SCNN1B: variants seen among roughly 807,000 people sequenced by gnomAD.
SCNN1B encodes epithelial sodium channel subunit beta.
In SCNN1B, 46 loss-of-function variants were observed where a neutral mutation model predicts 65.3. The ratio of observed to expected loss-of-function variants is 0.70; its 90% confidence interval spans 0.56 to 0.90. The LOEUF is 0.90. SCNN1B is among the 40% of genes least tolerant of loss of function. The probability of loss-of-function intolerance (pLI) is 0.00; values close to 1 mark genes in which losing one functional copy is unlikely to be tolerated. For synonymous variants in SCNN1B, 349 were observed against 330.6 expected (o/e 1.06, Z -0.60); for missense variants, 751 against 830.5 (o/e 0.90, Z 1.18).
At chr16:23,360,359 G>A (rs1408012121) in intron 4 of SCNN1B, among the ~76,000 whole-genome samples, 1 of 151,886 alleles carries the variant, frequency 6.6e-6, no homozygotes, top group East Asian at 1.9e-4. Flanking sequence ...AACATAGTGA[G>A]ACCCCCCATC....
chr16:23,280,615 T>A (rs999879266), intron 1 of SCNN1B, among the ~76,000 whole-genome samples: 1 of 152,178 alleles, frequency 6.6e-6, no homozygotes, highest in Non-Finnish European at 1.5e-5. Context: ...AGTAAATGAA[T>A]AATCAGGAGG....
At chr16:23,323,185 T>G in intron 1 of SCNN1B, among the ~76,000 whole-genome samples, 2 of 148,032 alleles carry the variant, frequency 1.4e-5, no homozygotes, top group African/African-American at 5.0e-5. Context: ...GTGACAGGAG[T>G]GAAACTCCAT....
At chr16:23,351,451 A>G (rs1050790629) in intron 2 of SCNN1B, among the ~76,000 whole-genome samples, 3 of 152,204 alleles carry the variant, frequency 2.0e-5, no homozygotes, top group Non-Finnish European at 4.4e-5. Context: ...CTAGGCTGTA[A>G]TAACACCACC....
chr16:23,353,843 G>A (rs561927786), intron 3 of SCNN1B, among the ~76,000 whole-genome samples: 3 of 152,366 alleles, frequency 2.0e-5, no homozygotes, highest in East Asian at 1.9e-4. Flanking sequence ...AAGCCTAGAA[G>A]TGGGGAGAAG....
Position 23,280,791 on chromosome 16 carries a change from G to A in SCNN1B, n.110+2451G>A, listed in dbSNP as rs1371804420. On this transcript the variant is annotated intron_variant and non_coding_transcript_variant, in intron 1 of 3. Coordinates refer to the SCNN1B transcript ENST00000569789. The stretch of plus-strand genomic sequence containing the variant: ...CCTCACCAGCCCCTAGCACAGGATC[G>A]GCACATAATTGGTGTTCAGAGCTTC... 4.6e-5 allele frequency among the ~76,000 whole-genome samples: 7 copies of A among 152,242 alleles called. No homozygotes were observed. The South Asian group carries it at 8.3e-4, about 18-fold the overall frequency.
chr16:23,371,707 A>G lies in SCNN1B; in HGVS notation c.1045-69A>G, dbSNP rs1432650337. On this transcript the variant is annotated intron_variant, in intron 6 of 12. Coordinates refer to ENST00000343070, the MANE Select transcript of SCNN1B (RefSeq NM_000336.3). ...AGCCCTCTGTCCCCAAATGCTTGAT[A>G]GAAGGGAGGTGCAGAAAGGGCTTCC... 3 of 1,297,732 alleles carry G rather than the reference A, an allele frequency of 2.3e-6. No individual in the cohort carries two copies. In the African/African-American group the frequency reaches 4.4e-5, roughly 19 times the overall value. 80.4% of individuals were successfully genotyped at this position (1,297,732 alleles called of 1,614,324 possible). A position where few individuals can be genotyped will look rare whatever the true frequency, so the allele number is the denominator to read the frequency against.
chr16:23,342,250 C>A (rs115131153), intron 1 of SCNN1B, among the ~76,000 whole-genome samples: 1 of 152,104 alleles, frequency 6.6e-6, no homozygotes, highest in Non-Finnish European at 1.5e-5. Flanking sequence ...TGTGCAATTC[C>A]GTTTTTTGTT....
intron 1 of SCNN1B, among the ~76,000 whole-genome samples, chr16:23,282,312 T>G (rs192984763): frequency 6.6e-6 from 1 of 152,306 alleles, no homozygotes; most frequent in African/African-American, 2.4e-5. Flanking sequence ...TTTCAAACAT[T>G]TATTAGGTGC....
chr16:23,281,740 T>G (rs1405639844), intron 1 of SCNN1B, among the ~76,000 whole-genome samples: 3 of 152,212 alleles, frequency 2.0e-5, no homozygotes, highest in Non-Finnish European at 2.9e-5. Flanking sequence ...TATTTAAGTT[T>G]GCCTCCTGAT....
intron 1 of SCNN1B, among the ~76,000 whole-genome samples, chr16:23,327,117 A>G (rs1961713269): frequency 1.3e-5 from 2 of 151,944 alleles, no homozygotes; most frequent in Non-Finnish European, 2.9e-5. Context: ...GGATCTCGCT[A>G]TATTGCCCTG....
chr16:23,321,262 G>A (rs376353113), intron 1 of SCNN1B, among the ~76,000 whole-genome samples: 3 of 152,198 alleles, frequency 2.0e-5, no homozygotes, highest in Non-Finnish European at 1.5e-5. Context: ...GGCTGATCTC[G>A]AACTCTTACC....
At chr16:23,315,026 AG>A (rs1567293857) in intron 1 of SCNN1B, among the ~76,000 whole-genome samples, 1 of 152,126 alleles carries the variant, frequency 6.6e-6, no homozygotes, top group Non-Finnish European at 1.5e-5. Context: ...AGCAGGAAAC[AG>A]AAGGGGCTAA....
chr16:23,295,078 T>C (rs80082765), intron 2 of SCNN1B, among the ~76,000 whole-genome samples: 9,671 of 152,236 alleles, frequency 0.064, 879 homozygotes, highest in African/African-American at 0.19. Flanking sequence ...TATTACCATC[T>C]AGAAGTTCTT....
intron 1 of SCNN1B, among the ~76,000 whole-genome samples, chr16:23,278,951 A>T (rs931558810): frequency 6.6e-6 from 1 of 152,060 alleles, no homozygotes; most frequent in Non-Finnish European, 1.5e-5. Flanking sequence ...AAAAAAATAA[A>T]AAATGAAATG....
Position 23,348,688 on chromosome 16 carries a change from G to C in SCNN1B, c.89G>C (p.Cys30Ser). The C allele has an allele frequency of 2.5e-6, 4 of 1,613,990 alleles. No homozygotes were observed. The highest frequency in any genetic ancestry group is 3.4e-6 in the Non-Finnish European group (4 of 1,180,006). Reference sequence around the variant, plus strand: ...TACAAGGAGCTGCTGGTGTGGTACTGCGACAACACCAACACCCACGGCCCC... The same window carrying C: ...TACAAGGAGCTGCTGGTGTGGTACTCCGACAACACCAACACCCACGGCCCC... ...YTYKELLVWY[C>S]DNTNTHGPKR... The change falls in exon 2 of 13, where the codon TGC becomes TCC. Residue 30 changes from cysteine to serine, a missense_variant. Transcript: ENST00000343070. The surrounding 1 kb of genome is among the most constrained non-coding windows in gnomAD (Gnocchi z 4.5).
intron 4 of SCNN1B, among the ~76,000 whole-genome samples, chr16:23,360,984 C>T (rs1192485926): frequency 4.6e-5 from 7 of 152,094 alleles, no homozygotes; most frequent in African/African-American, 1.7e-4. Flanking sequence ...TTAGTAGAGA[C>T]AGGGTTTCAC....
intron 1 of SCNN1B, chr16:23,323,544 C>G (rs1233581741): frequency 4.3e-6 from 3 of 703,030 alleles, no homozygotes; most frequent in South Asian, 1.5e-5. Flanking sequence ...ATTTTCCCCT[C>G]ATTTTACAGA....
intron 1 of SCNN1B, among the ~76,000 whole-genome samples, chr16:23,318,683 T>G (rs911142650): frequency 2.6e-5 from 4 of 152,160 alleles, no homozygotes; most frequent in Non-Finnish European, 5.9e-5. Context: ...TCTTTCAGAG[T>G]GGCTGTAAGA....
intron 1 of SCNN1B, among the ~76,000 whole-genome samples, chr16:23,319,386 G>A (rs886113): frequency 0.5 from 76,403 of 152,050 alleles, 23,081 homozygotes; most frequent in African/African-American, 0.86. Context: ...CCTCCAGCCT[G>A]GCAGTCTGCA....
Sources: gnomAD v4.1 joint callset for allele counts (sites outside exome capture counted in the v4.1 genomes callset) on GRCh38, gnomAD v4.1.1 for gene constraint, Gnocchi (gnomAD v3.1) non-coding constraint, MANE v1.5 for transcripts, NCBI Gene and HGNC (gene_info 2026-07-23, HGNC 2026-07-21) for gene names.